The following USP44 variants were observed in gnomAD, a reference collection of about 807,000 sequenced individuals.
USP44 encodes ubiquitin carboxyl-terminal hydrolase 44.
A neutral mutation model predicts 69.0 loss-of-function variants in USP44; 61 were observed. The observed-to-expected ratio is 0.88, with a 90% CI of 0.72 to 1.09. USP44 has a LOEUF of 1.09. USP44 is among the 50% of genes least tolerant of loss of function. USP44 has a pLI of 0.00. For synonymous variants in USP44, 297 were observed against 295.4 expected (o/e 1.01, Z -0.06); for missense variants, 753 against 849.9 (o/e 0.89, Z 1.42).
At position 95,533,170 on chromosome 12, in the gene USP44, C is replaced by A. The variant is rs61733460; in HGVS notation, c.1087G>T (p.Gly363Cys). 6.2e-7 allele frequency: 1 copy of A among 1,614,032 alleles called. No homozygotes were observed. Among genetic ancestry groups the A allele is most frequent in the South Asian group, 1.1e-5 (1 of 91,084 alleles). The change falls in exon 2 of 6, where the codon GGT (glycine) becomes TGT (cysteine). Residue 363 changes from glycine to cysteine, a missense_variant. By Grantham distance (159) the Gly-to-Cys change is radical (BLOSUM62 -3). Coordinates refer to ENST00000258499, the MANE Select transcript of USP44 (RefSeq NM_032147.5). ...GGCTGAATAAGTTCCATCTTTCTAC[C>A]TTTTGATGCTCCACCACTTAGTCCT... ...SSGLSGGASK[G>C]RKMELIQPKE...
chr12:95,543,034 G>C (rs541260032), intron 1 of USP44, among the ~76,000 whole-genome samples: 1 of 150,610 alleles, frequency 6.6e-6, no homozygotes, highest in South Asian at 2.1e-4. Context: ...CTTGCAGTAA[G>C]CCTAGATCGC....
chr12:95,539,598 A>G (rs990124432), intron 1 of USP44, among the ~76,000 whole-genome samples: 4 of 152,232 alleles, frequency 2.6e-5, no homozygotes, highest in African/African-American at 9.6e-5. Context: ...CAAATATTCT[A>G]AAAGCTTTTT....
intron 2 of USP44, 103 bp from the exon 3 acceptor site, chr12:95,529,105 A>G: frequency 1.0e-6 from 1 of 999,732 alleles, no homozygotes; most frequent in East Asian, 2.7e-5. Flanking sequence ...TCTCATGAAA[A>G]TGCACCATTA....
chr12:95,522,336 G>A lies in USP44; in HGVS notation c.1734-1134C>T, dbSNP rs183443339. Among the ~76,000 whole-genome samples the A allele has an allele frequency of 5.9e-3, 905 of 152,162 alleles. 4 individuals carry two copies. The highest frequency in any genetic ancestry group is 0.01 in the Non-Finnish European group (684 of 67,998). ...TGCTTAGTCCAGTGTAAAATGGCAC[G>A]GAACTAAAGATGAACCATTCAAATT... On this transcript the variant is annotated intron_variant, in intron 4 of 5. Coordinates refer to ENST00000258499, the MANE Select transcript of USP44 (RefSeq NM_032147.5).
At chr12:95,524,579 G>C in intron 4 of USP44, 101 bp downstream of exon 4, 1 of 795,688 alleles carries the variant, frequency 1.3e-6, no homozygotes, top group African/African-American at 1.8e-5. Flanking sequence ...TGTCAGAAAG[G>C]TGATTAAAGT....
intron 1 of USP44, among the ~76,000 whole-genome samples, chr12:95,535,872 G>A (rs1415236331): frequency 6.6e-6 from 1 of 152,038 alleles, no homozygotes; most frequent in Non-Finnish European, 1.5e-5. Context: ...AACGGTACCT[G>A]CAAGTGCCAC....
At chr12:95,537,363 G>A (rs770359542) in intron 1 of USP44, among the ~76,000 whole-genome samples, 1 of 152,008 alleles carries the variant, frequency 6.6e-6, no homozygotes, top group African/African-American at 2.4e-5. Flanking sequence ...CTGTCGCCCA[G>A]GCTGGAGTGC....
At chr12:95,531,216 T>C (rs1466158574) in intron 2 of USP44, among the ~76,000 whole-genome samples, 3 of 151,404 alleles carry the variant, frequency 2.0e-5, no homozygotes, top group Non-Finnish European at 4.4e-5. Context: ...ATAGCAGACA[T>C]ATACCAAAAA....
At chr12:95,529,651 C>T (rs866537522) in intron 2 of USP44, among the ~76,000 whole-genome samples, 5 of 152,104 alleles carry the variant, frequency 3.3e-5, no homozygotes, top group Non-Finnish European at 7.3e-5. Flanking sequence ...GAACTCCTGA[C>T]TTTAGGCGAT....
At chr12:95,536,037 TC>T (rs1414703906) in intron 1 of USP44, among the ~76,000 whole-genome samples, 13 of 143,470 alleles carry the variant, frequency 9.1e-5, no homozygotes, top group Non-Finnish European at 1.3e-4. Context: ...TCCTTTTTTT[TC>T]CTTTTTTTTT....
intron 4 of USP44, among the ~76,000 whole-genome samples, chr12:95,523,148 T>C (rs1450754697): frequency 6.6e-6 from 1 of 152,196 alleles, no homozygotes; most frequent in South Asian, 2.1e-4. Flanking sequence ...TGGCTGTTCA[T>C]ATGGATCCTT....
intron 1 of USP44, among the ~76,000 whole-genome samples, chr12:95,541,112 T>C (rs1374689933): frequency 6.6e-6 from 1 of 152,084 alleles, no homozygotes; most frequent in Non-Finnish European, 1.5e-5. Flanking sequence ...ACCCCGTCTC[T>C]ACTAAAAATA....
At chr12:95,544,022 G>A (rs10859894) in intron 1 of USP44, among the ~76,000 whole-genome samples, 63,119 of 112,918 alleles carry the variant, frequency 0.56, 19,307 homozygotes, top group African/African-American at 0.75. Context: ...AAAACAAACG[G>A]ACATTCCACT....
rs770742290 is a variant in USP44, at chr12:95,518,261, G to A, written c.2032C>T (p.Arg678Ter). The A allele has an allele frequency of 9.3e-6, 15 of 1,614,032 alleles. No homozygotes were observed. The highest frequency in any genetic ancestry group is 6.6e-5 in the South Asian group (6 of 91,084). The change falls in exon 6 of 6, where the codon CGA (arginine) becomes TGA (stop). Residue 678 changes from arginine (R) to a stop codon, truncating the protein, a stop_gained. Coordinates refer to ENST00000258499, the MANE Select transcript of USP44 (RefSeq NM_032147.5). LOFTEE classifies it high-confidence loss of function. ...TTAGAATGTCCATTCTCAGTAACTC[G>A]TTGGGTATAAAACAAGATATAAGCT... ...AQAYILFYTQ[R>*]VTENGHSKLL... is the part of the protein sequence containing the mutation.
intron 5 of USP44, among the ~76,000 whole-genome samples, chr12:95,519,824 A>G (rs1312114981): frequency 1.3e-5 from 2 of 150,642 alleles, no homozygotes; most frequent in African/African-American, 4.9e-5. Flanking sequence ...CAGATCACTT[A>G]AGGCCAGGAG....
At position 95,521,979 on chromosome 12, in the gene USP44, T is replaced by TCAG. The variant is rs1406493638; in HGVS notation, c.1734-780_1734-778dup. 7.5e-6 allele frequency: 7 copies of TCAG among 934,180 alleles called. No individual in the cohort carries two copies. The Admixed American group carries it at 1.9e-4, about 25-fold the overall frequency. The allele number at this position is 934,180 out of a possible 1,614,324, so 57.9% of individuals were successfully genotyped here. ...ACTGTGTCCCCTCGCTGTGTGTAAG[T>TCAG]CAGCACAACCGCCCATTGGTGACAG... is the stretch of plus-strand genomic sequence containing the variant. On this transcript the variant is annotated intron_variant, in intron 4 of 5. Coordinates refer to ENST00000258499, the MANE Select transcript of USP44 (RefSeq NM_032147.5).
At chr12:95,536,039 C>CTTTTTTT (rs397821709) in intron 1 of USP44, among the ~76,000 whole-genome samples, 7 of 97,528 alleles carry the variant, frequency 7.2e-5, no homozygotes, top group Non-Finnish European at 1.3e-4. Context: ...CTTTTTTTTC[C>CTTTTTTT]TTTTTTTTTT....
At chr12:95,528,382 C>T (rs2076918311) in intron 3 of USP44, among the ~76,000 whole-genome samples, 1 of 152,202 alleles carries the variant, frequency 6.6e-6, no homozygotes, top group African/African-American at 2.4e-5. Flanking sequence ...AGCAGCAGTC[C>T]TGCATATATT....
At chr12:95,528,754 G>T in intron 3 of USP44, 53 bp downstream of exon 3, 2 of 1,513,324 alleles carry the variant, frequency 1.3e-6, no homozygotes, top group Non-Finnish European at 1.8e-6. Context: ...TCTCATCTGC[G>T]TTTCTCTTTA....
Sources: gnomAD v4.1 joint callset for allele counts (sites outside exome capture counted in the v4.1 genomes callset) on GRCh38, gnomAD v4.1.1 for gene constraint, MANE v1.5 for transcripts, NCBI Gene and HGNC (gene_info 2026-07-23, HGNC 2026-07-21) for gene names.